The following SLC1A2 variants were observed in gnomAD, a reference collection of about 807,000 sequenced individuals.
SLC1A2 encodes the protein excitatory amino acid transporter 2.
Under a neutral mutation model 48.8 loss-of-function variants are expected in SLC1A2, and 15 were observed. That is an observed-to-expected ratio of 0.31 (90% confidence interval 0.21 to 0.47). The LOEUF (loss-of-function observed/expected upper bound fraction) is 0.47, where lower values mean the gene tolerates loss of function less well. Ranked by LOEUF, SLC1A2 falls within the 20% of genes least tolerant of loss-of-function variation. The probability of loss-of-function intolerance (pLI) is 0.99; values close to 1 mark genes in which losing one functional copy is unlikely to be tolerated. For synonymous variants in SLC1A2, 279 were observed against 272.6 expected (o/e 1.02, Z -0.23); for missense variants, 502 against 730.5 (o/e 0.69, Z 3.61).
intron 1 of SLC1A2, among the ~76,000 whole-genome samples, chr11:35,321,290 C>T (rs552654463): frequency 2.0e-5 from 3 of 152,048 alleles, no homozygotes; most frequent in Non-Finnish European, 4.4e-5. Context: ...GGTGGGAACA[C>T]AGCCAAACCA....
At chr11:35,358,188 G>A (rs1590225160) in intron 1 of SLC1A2, among the ~76,000 whole-genome samples, 1 of 151,938 alleles carries the variant, frequency 6.6e-6, no homozygotes, top group African/African-American at 2.4e-5. Flanking sequence ...CAGATATAAA[G>A]TATGTAACAT....
At chr11:35,296,497 A>C (rs1350928331) in intron 6 of SLC1A2, among the ~76,000 whole-genome samples, 1 of 152,228 alleles carries the variant, frequency 6.6e-6, no homozygotes, top group Non-Finnish European at 1.5e-5. Context: ...CAGTTAGTAT[A>C]GCCTCCAGGT....
intron 1 of SLC1A2, among the ~76,000 whole-genome samples, chr11:35,333,289 T>C (rs1852490330): frequency 6.6e-6 from 1 of 151,862 alleles, no homozygotes; most frequent in Non-Finnish European, 1.5e-5. Flanking sequence ...TGGTGGTGCA[T>C]GCCTGTAATC....
intron 1 of SLC1A2, among the ~76,000 whole-genome samples, chr11:35,376,482 T>C (rs754037989): frequency 6.6e-6 from 1 of 152,220 alleles, no homozygotes; most frequent in Non-Finnish European, 1.5e-5. Context: ...GGGAACTCTA[T>C]GTATTATTTT....
At chr11:35,362,156 C>G (rs563977644) in intron 1 of SLC1A2, among the ~76,000 whole-genome samples, 4 of 152,302 alleles carry the variant, frequency 2.6e-5, no homozygotes, top group South Asian at 4.1e-4. Flanking sequence ...CTACCCCAGA[C>G]AGCAGATGCC....
intron 1 of SLC1A2, among the ~76,000 whole-genome samples, chr11:35,320,174 T>C (rs1007538417): frequency 6.6e-6 from 1 of 152,126 alleles, no homozygotes; most frequent in African/African-American, 2.4e-5. Flanking sequence ...AAGATATAAG[T>C]TTTAAAAAAT....
At chr11:35,349,623 A>T (rs1853168848) in intron 1 of SLC1A2, among the ~76,000 whole-genome samples, 1 of 152,244 alleles carries the variant, frequency 6.6e-6, no homozygotes, top group East Asian at 1.9e-4. Flanking sequence ...AGAAAGCTCT[A>T]CTCTCTCCCA....
chr11:35,307,045 T>C (rs1261234262), intron 4 of SLC1A2: 1 of 152,158 alleles, frequency 6.6e-6, no homozygotes, highest in South Asian at 2.1e-4. Context: ...CCCAGTTAGA[T>C]GGTCCTTCCA....
At chr11:35,376,456 T>A (rs1460247742) in intron 1 of SLC1A2, among the ~76,000 whole-genome samples, 1 of 152,218 alleles carries the variant, frequency 6.6e-6, no homozygotes, top group Non-Finnish European at 1.5e-5. Context: ...TAAAGGAAGC[T>A]GAGGGAGGAG....
intron 9 of SLC1A2, among the ~76,000 whole-genome samples, chr11:35,268,424 C>T (rs560633013): frequency 4.5e-4 from 68 of 152,178 alleles, no homozygotes; most frequent in Non-Finnish European, 8.5e-4. Flanking sequence ...TGCCTGTAAT[C>T]GCAGCACTTT....
At chr11:35,393,822 T>A (rs1276077553) in intron 1 of SLC1A2, among the ~76,000 whole-genome samples, 2 of 152,182 alleles carry the variant, frequency 1.3e-5, no homozygotes, top group Non-Finnish European at 2.9e-5. Context: ...GGTGGTTTGC[T>A]CAAAATGCTC....
intron 1 of SLC1A2, among the ~76,000 whole-genome samples, chr11:35,329,145 T>G (rs1475427801): frequency 6.6e-6 from 1 of 152,160 alleles, no homozygotes; most frequent in African/African-American, 2.4e-5. Context: ...AGAAGCCAAT[T>G]TGAAAAGGCT....
chr11:35,400,074 T>C (rs1448576901), intron 1 of SLC1A2, among the ~76,000 whole-genome samples: 7 of 152,200 alleles, frequency 4.6e-5, no homozygotes, highest in Admixed American at 4.6e-4. Flanking sequence ...GACAACTGCA[T>C]TGGAGAATCT....
chr11:35,304,001 C>T lies in SLC1A2; in HGVS notation c.730+2073G>A, dbSNP rs182989669. 7.2e-5 allele frequency among the ~76,000 whole-genome samples: 11 copies of T among 152,298 alleles called. No individual in the cohort carries two copies. The East Asian group carries it at 2.1e-3, about 29-fold the overall frequency. On this transcript the variant is annotated intron_variant, in intron 5 of 10. Coordinates refer to ENST00000278379, the MANE Select transcript of SLC1A2 (RefSeq NM_004171.4). The stretch of plus-strand genomic sequence containing the variant: ...GATTTGTAAATGGGAAGTTTCTCAA[C>T]AGTCTAACTTCCCTTGGCTTTCCAG...
At position 35,258,253 on chromosome 11, in the gene SLC1A2, T is replaced by G. The variant is rs1950341050; in HGVS notation, c.*2641A>C. ...GATAAGTGTGATTTTCTAAGTATAT[T>G]CTCACGAGACTTCCTGCACACAGTA... On this transcript the variant is annotated 3_prime_UTR_variant, in exon 11 of 11. Coordinates refer to ENST00000278379, the MANE Select transcript of SLC1A2 (RefSeq NM_004171.4). 6.6e-6 allele frequency: 1 copy of G among 152,254 alleles called. No homozygotes were observed. The allele number at this position is 152,254 out of a possible 1,614,324, so 9.4% of individuals were successfully genotyped here.
At chr11:35,355,769 C>T (rs1853434213) in intron 1 of SLC1A2, among the ~76,000 whole-genome samples, 1 of 152,014 alleles carries the variant, frequency 6.6e-6, no homozygotes, top group African/African-American at 2.4e-5. Context: ...CCTGTAATCC[C>T]AGCTACTCGG....
rs182287779 is a variant in SLC1A2 at position 35,408,008 on chromosome 11, C to T, written c.17+10942G>A. ...ACTGATATTCCACTCGCCACAAATG[C>T]TAAGCCAGTATGCTGAACCAAATTC... On this transcript the variant is annotated intron_variant, in intron 1 of 10. Transcript: ENST00000278379. 1.2e-3 allele frequency among the ~76,000 whole-genome samples: 178 copies of T among 152,338 alleles called. 1 individual carries two copies. Among genetic ancestry groups the T allele is most frequent in the African/African-American group, 3.8e-3 (156 of 41,580 alleles).
At chr11:35,420,204 T>G (rs1369207280), upstream of SLC1A2, 2 of 186,678 alleles carry the variant, frequency 1.1e-5, no homozygotes, top group Non-Finnish European at 2.3e-5. Flanking sequence ...GCGCGGAGAG[T>G]TGGCCGAGGG....
At chr11:35,361,822 C>G (rs540400281) in intron 1 of SLC1A2, among the ~76,000 whole-genome samples, 3 of 152,070 alleles carry the variant, frequency 2.0e-5, no homozygotes, top group South Asian at 2.1e-4. Context: ...CACAAAAATA[C>G]AAAAATTAAC....
Sources: allele counts gnomAD v4.1 joint callset (sites outside exome capture counted in the v4.1 genomes callset), GRCh38; gene constraint gnomAD v4.1.1; transcripts MANE v1.5; gene names NCBI Gene and HGNC (gene_info 2026-07-23, HGNC 2026-07-21).